MON2: variants seen among roughly 807,000 people sequenced by gnomAD.
The protein encoded by MON2 is protein MON2 homolog.
Under a neutral mutation model 208.6 loss-of-function variants are expected in MON2, and 84 were observed. The observed-to-expected ratio is 0.40, with a 90% CI of 0.34 to 0.48. The LOEUF is 0.48. Ranked by LOEUF, MON2 falls within the 20% of genes least tolerant of loss-of-function variation. The pLI is 0.59. For synonymous variants in MON2, 660 were observed against 694.0 expected (o/e 0.95, Z 0.77); for missense variants, 1,611 against 2,015.4 (o/e 0.80, Z 3.84).
rs2136407645 is a variant in MON2 at position 62,571,467 on chromosome 12, C to G, written c.4399C>G (p.Leu1467Val). 6.2e-7 allele frequency: 1 copy of G among 1,613,538 alleles called. No homozygotes were observed. The highest frequency in any genetic ancestry group is 8.5e-7 in the Non-Finnish European group (1 of 1,179,520). Reference protein sequence around the residue: ...STWKLAVSSLLRVLSIGLPVA... With the variant: ...STWKLAVSSLVRVLSIGLPVA... ...ATGGAAACTAGCAGTATCCTCTCTC[C>G]TCAGAGTTCTTTCTATTGGGCTACC... is the stretch of plus-strand genomic sequence containing the variant. The change falls in exon 30 of 35, where the codon CTC becomes GTC. Residue 1467 changes from leucine to valine, a missense_variant. Physicochemically the swap from Leu to Val is conservative, Grantham distance 32. Coordinates refer to ENST00000393630, the MANE Select transcript of MON2 (RefSeq NM_015026.3).
intron 4 of MON2, among the ~76,000 whole-genome samples, chr12:62,498,712 A>G (rs560046809): frequency 6.6e-6 from 1 of 152,216 alleles, no homozygotes; most frequent in African/African-American, 2.4e-5. Context: ...TTTAAAAGGT[A>G]TGTTTCACAT....
At chr12:62,516,305 A>C (rs2071686329) in intron 8 of MON2, among the ~76,000 whole-genome samples, 1 of 152,122 alleles carries the variant, frequency 6.6e-6, no homozygotes, top group African/African-American at 2.4e-5. Flanking sequence ...GCAGGGGGAA[A>C]GTAGGGATGG....
At chr12:62,490,307 TA>T (rs1371157785) in intron 2 of MON2, among the ~76,000 whole-genome samples, 2 of 152,086 alleles carry the variant, frequency 1.3e-5, no homozygotes, top group African/African-American at 4.8e-5. Context: ...TAACTTTCAT[TA>T]AAAAGAATCA....
rs2075550697 is a variant in MON2 at position 62,597,455 on chromosome 12, T to C, written c.*4706T>C. ...TGGAAAGTAGAAATACTTTGCACTT[T>C]GGCCACTGTTGCGTTTTTGCCAAGG... On this transcript the variant is annotated 3_prime_UTR_variant, in exon 35 of 35. Transcript: ENST00000393630. The C allele has an allele frequency of 6.6e-6, 1 of 152,204 alleles. No homozygotes were observed. The highest frequency in any genetic ancestry group is 6.5e-5 in the Admixed American group (1 of 15,274). The allele number at this position is 152,204 out of a possible 1,614,324, so 9.4% of individuals were successfully genotyped here. A position where few individuals can be genotyped will look rare whatever the true frequency, so the allele number is the denominator to read the frequency against.
chr12:62,545,143 C>T, intron 21 of MON2, 135 bp downstream of exon 21: 1 of 525,006 alleles, frequency 1.9e-6, no homozygotes, highest in South Asian at 3.9e-5. Context: ...TATATGTAGG[C>T]CCTGAATCTC....
In MON2 at chr12:62,593,187, T is replaced by C. The variant is rs1033296277; in HGVS notation, c.*438T>C. 1.3e-5 allele frequency: 2 copies of C among 155,234 alleles called. No homozygotes were observed. The highest frequency in any genetic ancestry group is 4.8e-5 in the African/African-American group (2 of 41,496). The allele number at this position is 155,234 out of a possible 1,614,324, so 9.6% of individuals were successfully genotyped here. ...ACTAGAATTTTATGCAAGATGGTAC[T>C]GTAACATTCCATATTATCTATAACC... On this transcript the variant is annotated 3_prime_UTR_variant, in exon 35 of 35. Coordinates refer to ENST00000393630, the MANE Select transcript of MON2 (RefSeq NM_015026.3).
At chr12:62,541,547 G>GT (rs2073243999) in intron 19 of MON2, among the ~76,000 whole-genome samples, 1 of 152,158 alleles carries the variant, frequency 6.6e-6, no homozygotes, top group Non-Finnish European at 1.5e-5. Context: ...AAACAACTCT[G>GT]TGAGATTTAG....
chr12:62,536,752 G>A (rs1434856377), intron 14 of MON2, among the ~76,000 whole-genome samples: 2 of 150,598 alleles, frequency 1.3e-5, no homozygotes, highest in Admixed American at 6.6e-5. Flanking sequence ...CAGTGACCCA[G>A]ATCTTGGCTC....
chr12:62,592,256 G>A (rs371408581), intron 34 of MON2, among the ~76,000 whole-genome samples: 3 of 152,020 alleles, frequency 2.0e-5, no homozygotes, highest in South Asian at 2.1e-4. Flanking sequence ...ACATCCTCTC[G>A]CAATTATATT....
At position 62,538,151 on chromosome 12, in the gene MON2, G is replaced by A; in HGVS notation, c.2174G>A (p.Gly725Glu). 1 of 1,613,718 alleles carries A rather than the reference G, an allele frequency of 6.2e-7. No individual in the cohort carries two copies. The highest frequency in any genetic ancestry group is 8.5e-7 in the Non-Finnish European group (1 of 1,179,852). Residue 725 changes from glycine (G) to glutamate (E), a missense_variant, in exon 17 of 35, where the codon GGG becomes GAG. Transcript: ENST00000393630. ...KPSSGGALKP[G>E]RAVEGPSTVL... ...AGTAGTGGCGGTGCCTTGAAACCTG[G>A]GAGAGCTGTAGAAGGACCCAGTACA...
intron 29 of MON2, among the ~76,000 whole-genome samples, chr12:62,569,728 C>G (rs1393224167): frequency 6.6e-6 from 1 of 152,112 alleles, no homozygotes; most frequent in Non-Finnish European, 1.5e-5. Flanking sequence ...ATCTCTTTGC[C>G]TGAATTCCCA....
chr12:62,542,872 C>T (rs2073301466), intron 19 of MON2, among the ~76,000 whole-genome samples: 1 of 152,148 alleles, frequency 6.6e-6, no homozygotes, highest in Non-Finnish European at 1.5e-5. Context: ...ACTATTAAAG[C>T]ATTCTCTTCC....
In MON2 at chr12:62,537,649, G is replaced by C. The variant is rs772419939; in HGVS notation, c.2061G>C (p.Ala687=). The C allele has an allele frequency of 6.2e-7, 1 of 1,613,060 alleles. No individual in the cohort carries two copies. The highest frequency in any genetic ancestry group is 8.5e-7 in the Non-Finnish European group (1 of 1,179,660). Residue 687 remains alanine, a synonymous_variant, in exon 16 of 35, where the codon GCG becomes GCC. Coordinates refer to ENST00000393630, the MANE Select transcript of MON2 (RefSeq NM_015026.3). ...IQCMRTLLNL[A]HCHGAVLGTS... The stretch of plus-strand genomic sequence containing the variant: ...GTATGAGGACTTTACTTAACTTGGC[G>C]CATTGCCATGGGGCTGTTCTTGGAA...
In MON2 at chr12:62,535,622, A is replaced by C. The variant is rs369551379; in HGVS notation, c.1813A>C (p.Ile605Leu). ...LGLVTSRDAF[I>L]TAICKGSLPP... is the part of the protein sequence containing the mutation. ...CCTTGTAACTTCAAGAGATGCCTTT[A>C]TAACTGCAATATGCAAAGGTTCCCT... Residue 605 changes from isoleucine (I) to leucine (L), a missense_variant, in exon 14 of 35, where the codon ATA (isoleucine) becomes CTA (leucine). Coordinates refer to ENST00000393630, the MANE Select transcript of MON2 (RefSeq NM_015026.3). The C allele has an allele frequency of 6.8e-6, 11 of 1,613,650 alleles. No homozygotes were observed. The South Asian group carries it at 1.2e-4, about 18-fold the overall frequency.
intron 7 of MON2, among the ~76,000 whole-genome samples, chr12:62,506,743 C>T (rs1360606193): frequency 6.7e-6 from 1 of 150,334 alleles, no homozygotes; most frequent in East Asian, 1.9e-4. Flanking sequence ...AAAAAAGATA[C>T]ATTTAAAAAA....
At chr12:62,580,275 G>T (rs1275580004) in intron 31 of MON2, 22 bp from the exon 32 acceptor site, 1 of 1,600,424 alleles carries the variant, frequency 6.2e-7, no homozygotes, top group Non-Finnish European at 8.5e-7. Context: ...CAATACATTT[G>T]CATTTGCCTC....
intron 8 of MON2, among the ~76,000 whole-genome samples, chr12:62,513,437 G>C (rs1395444234): frequency 6.6e-6 from 1 of 151,860 alleles, no homozygotes; most frequent in Non-Finnish European, 1.5e-5. Context: ...TGTTGGCCAG[G>C]CTGGTCTTGA....
chr12:62,563,914 T>C (rs1002822886), intron 26 of MON2, among the ~76,000 whole-genome samples: 1 of 152,074 alleles, frequency 6.6e-6, no homozygotes, highest in African/African-American at 2.4e-5. Context: ...TTACTACTTG[T>C]TTACTTCTAA....
At chr12:62,548,106 G>T (rs571488851) in intron 22 of MON2, among the ~76,000 whole-genome samples, 1 of 152,236 alleles carries the variant, frequency 6.6e-6, no homozygotes, top group African/African-American at 2.4e-5. Flanking sequence ...ATTCATGTGG[G>T]AGACATTTTG....
Sources: allele counts gnomAD v4.1 joint callset (sites outside exome capture counted in the v4.1 genomes callset), GRCh38; gene constraint gnomAD v4.1.1; transcripts MANE v1.5; gene names NCBI Gene and HGNC (gene_info 2026-07-23, HGNC 2026-07-21).